The following TMEM232 variants were observed in gnomAD, a reference collection of about 807,000 sequenced individuals.
TMEM232 encodes the protein transmembrane protein 232.
Under a neutral mutation model 78.8 loss-of-function variants are expected in TMEM232, and 80 were observed. That is an observed-to-expected ratio of 1.01 (90% CI 0.85 to 1.22). TMEM232 has a LOEUF of 1.22. Among genes scored for constraint, TMEM232 ranks in the 50% most tolerant of loss-of-function variants. The pLI, the probability that TMEM232 is intolerant of heterozygous loss-of-function variation, is 0.00. For missense variants in TMEM232, 881 were observed against 742.2 expected (o/e 1.19, Z -2.17); for synonymous variants, 297 against 254.3 (o/e 1.17, Z -1.60).
chr5:110,698,080 A>C (rs760360573), intron 1 of TMEM232, among the ~76,000 whole-genome samples: 1 of 152,244 alleles, frequency 6.6e-6, no homozygotes, highest in Non-Finnish European at 1.5e-5. Flanking sequence ...AATGTGGCAC[A>C]TATATACCAT....
At chr5:110,653,736 A>G (rs1788646311) in intron 2 of TMEM232, among the ~76,000 whole-genome samples, 1 of 152,210 alleles carries the variant, frequency 6.6e-6, no homozygotes, top group South Asian at 2.1e-4. Flanking sequence ...AGATGACATC[A>G]AGATAATTGG....
At chr5:110,714,673 T>C (rs1038525325) in intron 1 of TMEM232, among the ~76,000 whole-genome samples, 1 of 152,224 alleles carries the variant, frequency 6.6e-6, no homozygotes, top group African/African-American at 2.4e-5. Context: ...TATTTAGCAC[T>C]ACCAAATAGA....
At chr5:110,547,712 T>C (rs1210558960) in intron 11 of TMEM232, among the ~76,000 whole-genome samples, 1 of 151,942 alleles carries the variant, frequency 6.6e-6, no homozygotes, top group African/African-American at 2.4e-5. Context: ...ATAAAAAGCT[T>C]CTCAGCCAGG....
chr5:110,738,951 G>C (rs889175123), upstream of TMEM232: 3 of 1,439,216 alleles, frequency 2.1e-6, no homozygotes, highest in Non-Finnish European at 2.7e-6. Flanking sequence ...TGCCGGAAGA[G>C]GCTATAATCA....
chr5:110,638,327 C>A lies in TMEM232; in HGVS notation c.372G>T (p.Leu124=). 1 of 1,547,168 alleles carries A rather than the reference C, an allele frequency of 6.5e-7. No individual in the cohort carries two copies. Among genetic ancestry groups the A allele is most frequent in the Non-Finnish European group, 8.7e-7 (1 of 1,145,452 alleles). The change falls in exon 5 of 14, where the codon CTG becomes CTT. Residue 124 remains leucine (L), a synonymous_variant. Transcript: ENST00000455884. ...GATCATAATCAAAGGAAGCATGGTC[C>A]AGAGATGCATAAAGCATATTTAAAG... is the stretch of plus-strand genomic sequence containing the variant. ...DESLNMLYAS[L]DHASFDYDHL... is the part of the protein sequence containing the mutation.
chr5:110,712,426 G>A (rs766105747), intron 1 of TMEM232, among the ~76,000 whole-genome samples: 6 of 151,600 alleles, frequency 4.0e-5, no homozygotes, highest in Non-Finnish European at 5.9e-5. Context: ...TAATCAAAAA[G>A]TAGGCAAAAT....
At chr5:110,646,102 T>C (rs1028343961) in intron 2 of TMEM232, among the ~76,000 whole-genome samples, 1 of 151,600 alleles carries the variant, frequency 6.6e-6, no homozygotes, top group African/African-American at 2.4e-5. Flanking sequence ...AAAGAAGACA[T>C]AGAAAGACAT....
At chr5:110,625,145 C>T (rs1403566427) in intron 7 of TMEM232, 122 bp downstream of exon 7, 1 of 1,084,196 alleles carries the variant, frequency 9.2e-7, no homozygotes, top group Non-Finnish European at 1.2e-6. Context: ...TTCACCCCTC[C>T]TCCACAGCTA....
At chr5:110,659,233 A>T (rs1789478459) in intron 2 of TMEM232, among the ~76,000 whole-genome samples, 1 of 152,110 alleles carries the variant, frequency 6.6e-6, no homozygotes, top group South Asian at 2.1e-4. Context: ...TATCGGTATA[A>T]AGTATGTAAT....
At chr5:110,463,312 A>G (rs1761733719) in intron 12 of TMEM232, among the ~76,000 whole-genome samples, 1 of 152,182 alleles carries the variant, frequency 6.6e-6, no homozygotes, top group Non-Finnish European at 1.5e-5. Flanking sequence ...TAACAACTAA[A>G]TATCTTCAAA....
At chr5:110,463,262 C>T (rs560779028) in intron 12 of TMEM232, among the ~76,000 whole-genome samples, 6 of 152,272 alleles carry the variant, frequency 3.9e-5, no homozygotes, top group South Asian at 4.1e-4. Flanking sequence ...AAAAGAAAGA[C>T]GGTGACTCAC....
chr5:110,514,847 C>CT (rs1457854211), intron 12 of TMEM232, among the ~76,000 whole-genome samples: 2 of 152,106 alleles, frequency 1.3e-5, no homozygotes, highest in African/African-American at 2.4e-5. Flanking sequence ...GAAAGTGACT[C>CT]TTCTTTGATA....
chr5:110,562,928 G>A (rs568986410), intron 11 of TMEM232, among the ~76,000 whole-genome samples: 2 of 151,966 alleles, frequency 1.3e-5, no homozygotes, highest in East Asian at 3.9e-4. Context: ...TAATCCAAAT[G>A]TCTCTATCTC....
chr5:110,708,810 A>G (rs1796192959), intron 1 of TMEM232, among the ~76,000 whole-genome samples: 1 of 152,178 alleles, frequency 6.6e-6, no homozygotes, highest in African/African-American at 2.4e-5. Context: ...AAACAAAGAC[A>G]GGAAGAAAGG....
chr5:110,663,773 G>GTATATA (rs759440761), intron 2 of TMEM232, among the ~76,000 whole-genome samples: 1 of 147,418 alleles, frequency 6.8e-6, no homozygotes, highest in African/African-American at 2.5e-5. Flanking sequence ...GTGTGTGTGT[G>GTATATA]TATATACAAT....
At chr5:110,640,231 T>G (rs1289878521) in intron 4 of TMEM232, among the ~76,000 whole-genome samples, 1 of 152,180 alleles carries the variant, frequency 6.6e-6, no homozygotes. Flanking sequence ...AAAATAATTC[T>G]TACTCTTCCT....
At chr5:110,708,663 A>G (rs1371991198) in intron 1 of TMEM232, among the ~76,000 whole-genome samples, 1 of 152,162 alleles carries the variant, frequency 6.6e-6, no homozygotes, top group African/African-American at 2.4e-5. Flanking sequence ...ATCAGTTTAA[A>G]ATAATGGGTT....
chr5:110,507,654 G>A (rs539953030), intron 12 of TMEM232, among the ~76,000 whole-genome samples: 1 of 152,242 alleles, frequency 6.6e-6, no homozygotes, highest in Non-Finnish European at 1.5e-5. Flanking sequence ...GCCAGAAATA[G>A]TTCCATCATG....
intron 2 of TMEM232, among the ~76,000 whole-genome samples, chr5:110,408,902 G>A (rs1222181588): frequency 1.3e-5 from 2 of 152,108 alleles, no homozygotes; most frequent in Non-Finnish European, 2.9e-5. Flanking sequence ...GCCATGTATA[G>A]CAGAGACATG....
Sources: gnomAD v4.1 joint callset for allele counts (sites outside exome capture counted in the v4.1 genomes callset) on GRCh38, gnomAD v4.1.1 for gene constraint, MANE v1.5 for transcripts, NCBI Gene and HGNC (gene_info 2026-07-23, HGNC 2026-07-21) for gene names.